The following RBFOX3 variants were observed in gnomAD, a reference collection of about 807,000 sequenced individuals.
RBFOX3 encodes RNA binding fox-1 homolog 3.
RBFOX3 carries 17 observed loss-of-function variants against 48.7 expected under a neutral mutation model. That is an observed-to-expected ratio of 0.35 (90% CI 0.24 to 0.52). The LOEUF is 0.52. Ranked by LOEUF, RBFOX3 falls within the 20% of genes least tolerant of loss-of-function variation. The pLI is 0.94. For missense variants in RBFOX3, 382 were observed against 497.5 expected (o/e 0.77, Z 2.21); for synonymous variants, 212 against 209.5 (o/e 1.01, Z -0.10).
chr17:79,130,353 C>T (rs1288004022), intron 4 of RBFOX3, among the ~76,000 whole-genome samples: 1 of 152,164 alleles, frequency 6.6e-6, no homozygotes, highest in Admixed American at 6.5e-5. Flanking sequence ...CCAGGCAGAG[C>T]CACACTGTGG....
intron 4 of RBFOX3, among the ~76,000 whole-genome samples, chr17:79,133,357 G>C (rs1417276228): frequency 6.6e-6 from 1 of 152,170 alleles, no homozygotes. Flanking sequence ...ATCTCACCTT[G>C]TACCTTCCCA....
At chr17:79,447,491 T>C (rs1275265971) in intron 2 of RBFOX3, among the ~76,000 whole-genome samples, 4 of 152,174 alleles carry the variant, frequency 2.6e-5, no homozygotes, top group Admixed American at 1.3e-4. Context: ...CGTCTGTCTA[T>C]TGTGTACGGT....
intron 4 of RBFOX3, among the ~76,000 whole-genome samples, chr17:79,146,974 T>A (rs1238066317): frequency 6.6e-6 from 1 of 152,196 alleles, no homozygotes; most frequent in East Asian, 1.9e-4. Flanking sequence ...GCCTGCCTCC[T>A]GGACACACCC....
chr17:79,424,728 G>C (rs1235353237), intron 2 of RBFOX3, among the ~76,000 whole-genome samples: 2 of 152,164 alleles, frequency 1.3e-5, no homozygotes, highest in African/African-American at 4.8e-5. Flanking sequence ...CCCTCGGGCC[G>C]GGCCGGAGCT....
chr17:79,566,868 T>C (rs1388597744), intron 1 of RBFOX3, among the ~76,000 whole-genome samples: 1 of 152,246 alleles, frequency 6.6e-6, no homozygotes, highest in East Asian at 1.9e-4. Context: ...CCAAGCCCCA[T>C]CCGGCAAGGC....
intron 1 of RBFOX3, among the ~76,000 whole-genome samples, chr17:79,541,376 C>T (rs1160107863): frequency 6.6e-6 from 1 of 151,984 alleles, no homozygotes; most frequent in Admixed American, 6.6e-5. Flanking sequence ...TAACAGGGAG[C>T]GTGGAAGAGG....
intron 2 of RBFOX3, among the ~76,000 whole-genome samples, chr17:79,400,815 C>T (rs957985707): frequency 6.6e-6 from 1 of 152,182 alleles, no homozygotes; most frequent in Admixed American, 6.5e-5. Flanking sequence ...AGGGTCTCTG[C>T]ATCAGTCAGG....
Position 79,550,906 on chromosome 17 carries a change from T to C in RBFOX3, c.-320+59920A>G, listed in dbSNP as rs983146223. ...CTTTGCAATTCAAAAATTCTCAAAA[T>C]CTAGGACTTGGTATATTCTACATCA... On this transcript the variant is annotated intron_variant, in intron 1 of 14. Transcript: ENST00000693108. Among the ~76,000 whole-genome samples the C allele has an allele frequency of 4.2e-3, 639 of 152,314 alleles. 6 individuals are homozygous for C. The highest frequency in any genetic ancestry group is 0.015 in the African/African-American group (618 of 41,564).
intron 4 of RBFOX3, among the ~76,000 whole-genome samples, chr17:79,156,936 G>A (rs985774355): frequency 1.3e-5 from 2 of 152,192 alleles, no homozygotes; most frequent in Non-Finnish European, 1.5e-5. Context: ...GCCCCGCTGT[G>A]GTGGCTGGGT....
the RBFOX3 span, among the ~76,000 whole-genome samples, chr17:79,625,475 A>G: frequency 6.6e-6 from 1 of 152,328 alleles, no homozygotes; most frequent in Non-Finnish European, 1.5e-5. Flanking sequence ...TTGGATGGAC[A>G]TGTGCTTTTA....
the RBFOX3 span, among the ~76,000 whole-genome samples, chr17:79,651,171 G>A: frequency 2.0e-5 from 3 of 152,224 alleles, no homozygotes; most frequent in South Asian, 2.1e-4. Context: ...CAGGGTCCAC[G>A]TGCCCACTTC....
At chr17:79,342,765 G>A (rs1466453472) in intron 2 of RBFOX3, among the ~76,000 whole-genome samples, 1 of 152,164 alleles carries the variant, frequency 6.6e-6, no homozygotes, top group African/African-American at 2.4e-5. Context: ...AACAAAACAG[G>A]CGAAATGTGG....
At chr17:79,281,773 T>C (rs2070589105) in intron 3 of RBFOX3, among the ~76,000 whole-genome samples, 1 of 152,230 alleles carries the variant, frequency 6.6e-6, no homozygotes, top group Non-Finnish European at 1.5e-5. Context: ...TTAAAATCAA[T>C]AAGTAGCCTT....
chr17:79,387,839 C>T (rs111991504), intron 2 of RBFOX3, among the ~76,000 whole-genome samples: 1 of 152,378 alleles, frequency 6.6e-6, no homozygotes, highest in African/African-American at 2.4e-5. Context: ...CAGGACCAGA[C>T]TAACGTGTGC....
At chr17:79,125,709 G>A (rs1599552650) in intron 4 of RBFOX3, among the ~76,000 whole-genome samples, 1 of 152,354 alleles carries the variant, frequency 6.6e-6, no homozygotes, top group African/African-American at 2.4e-5. Flanking sequence ...CCTTCAGACG[G>A]CTCCCGCCTG....
chr17:79,234,696 T>C (rs1355274464), intron 4 of RBFOX3: 1 of 151,280 alleles, frequency 6.6e-6, no homozygotes, highest in African/African-American at 2.4e-5. Context: ...TTTATGTTTG[T>C]TGGGTTTATT....
intron 4 of RBFOX3, among the ~76,000 whole-genome samples, chr17:79,186,410 C>G (rs1448363764): frequency 2.0e-5 from 3 of 152,252 alleles, no homozygotes; most frequent in Non-Finnish European, 4.4e-5. Flanking sequence ...TCGCGCAGGC[C>G]TGACTCTGCG....
chr17:79,488,813 G>A (rs998182703), intron 1 of RBFOX3, among the ~76,000 whole-genome samples: 2 of 152,144 alleles, frequency 1.3e-5, no homozygotes, highest in African/African-American at 2.4e-5. Context: ...TCACAGCTGC[G>A]CTTTCTCCTA....
intron 2 of RBFOX3, among the ~76,000 whole-genome samples, chr17:79,358,248 A>G (rs549953106): frequency 6.0e-5 from 9 of 151,208 alleles, no homozygotes; most frequent in African/African-American, 2.2e-4. Flanking sequence ...CCTGGCCCCA[A>G]AGAAGCTATT....
Sources: gnomAD v4.1 joint callset for allele counts (sites outside exome capture counted in the v4.1 genomes callset) on GRCh38, gnomAD v4.1.1 for gene constraint, MANE v1.5 for transcripts, NCBI Gene and HGNC (gene_info 2026-07-23, HGNC 2026-07-21) for gene names.